REG3G: variants seen among roughly 807,000 people sequenced by gnomAD.
The protein encoded by REG3G is regenerating islet-derived protein 3-gamma.
REG3G carries 19 observed loss-of-function variants against 20.9 expected under a neutral mutation model. The observed-to-expected ratio is 0.91, with a 90% CI of 0.64 to 1.34. The LOEUF is 1.34. REG3G is among the 40% of genes most tolerant of loss of function. The pLI is 0.00. For synonymous variants in REG3G, 89 were observed against 77.4 expected, an observed-to-expected ratio of 1.15 and a Z score of -0.79; for missense variants, 235 against 205.0, an observed-to-expected ratio of 1.15 and a Z score of -0.89.
chr2:79,028,250 C>T lies in REG3G; in HGVS notation c.502C>T (p.Pro168Ser), dbSNP rs770286859. Reference protein sequence around the residue: ...WKDYNCDAKLPYVCKFKD With the variant: ...WKDYNCDAKLSYVCKFKD ...AGATTATAACTGTGATGCAAAGTTA[C>T]CCTATGTCTGCAAGTTCAAGGACTA... Residue 168 changes from proline to serine, a missense_variant, in exon 6 of 6, where the codon CCC becomes TCC. Transcript: ENST00000272324. 5 of 1,613,134 alleles carry T rather than the reference C, an allele frequency of 3.1e-6. No individual in the cohort carries two copies. Among genetic ancestry groups the T allele is most frequent in the South Asian group, 1.1e-5 (1 of 91,050 alleles).
intron 1 of REG3G, 43 bp downstream of exon 1, chr2:79,025,816 C>A (rs1671601289): frequency 8.0e-6 from 3 of 375,192 alleles, no homozygotes; most frequent in African/African-American, 4.1e-5. Context: ...GGAAGGGCAA[C>A]CTCACATAAT....
chr2:79,027,231 C>A, intron 4 of REG3G, 60 bp downstream of exon 4: 1 of 1,563,518 alleles, frequency 6.4e-7, no homozygotes, highest in Non-Finnish European at 8.8e-7. Context: ...CCCAGGCGCA[C>A]TCCCTGTCCC....
At position 79,027,880 on chromosome 2, in the gene REG3G, A is replaced by T; in HGVS notation, c.407A>T (p.Asn136Ile). 1.2e-6 allele frequency: 2 copies of T among 1,613,894 alleles called. No individual in the cohort carries two copies. Among genetic ancestry groups the T allele is most frequent in the Non-Finnish European group, 1.7e-6 (2 of 1,179,934 alleles). Residue 136 changes from asparagine (N) to isoleucine (I), a missense_variant, in exon 5 of 6, where the codon AAT (asparagine) becomes ATT (isoleucine). Asn to Ile is a moderately radical substitution (Grantham distance 149). Coordinates refer to ENST00000272324, the MANE Select transcript of REG3G (RefSeq NM_001008387.3). ...DVMNYFAWEK[N>I]PSTILNPGHC... is the part of the protein sequence containing the mutation. ...ATGAATTACTTTGCATGGGAGAAAA[A>T]TCCCTCCACCATCTTAAACCCTGGC...
chr2:79,027,220 G>A (rs1264416109), intron 4 of REG3G, 49 bp downstream of exon 4: 1 of 1,595,706 alleles, frequency 6.3e-7, no homozygotes, highest in Admixed American at 1.7e-5. Flanking sequence ...TACTGTTGTT[G>A]CCCAGGCGCA....
Position 79,027,113 on chromosome 2 carries a change from T to G in REG3G, c.275T>G (p.Val92Gly). 1 of 1,613,608 alleles carries G rather than the reference T, an allele frequency of 6.2e-7. No homozygotes were observed. The highest frequency in any genetic ancestry group is 1.7e-5 in the Admixed American group (1 of 60,010). ...GAGGGATCCTTCGTGTCCTCCCTGG[T>G]GAGGAGCATTAGTAACAGCTATTCA... Reference protein sequence around the residue: ...GAEGSFVSSLVRSISNSYSYI... With the variant: ...GAEGSFVSSLGRSISNSYSYI... Residue 92 changes from valine (V) to glycine (G), a missense_variant, in exon 4 of 6, where the codon GTG becomes GGG. Transcript: ENST00000272324.
Position 79,027,901 on chromosome 2 carries a change from C to G in REG3G, c.428C>G (p.Pro143Arg), listed in dbSNP as rs1194695149. 5 of 1,614,086 alleles carry G rather than the reference C, an allele frequency of 3.1e-6. No individual in the cohort carries two copies. In the Admixed American group the frequency reaches 8.3e-5, roughly 27 times the overall value. The stretch of plus-strand genomic sequence containing the variant: ...AAAAATCCCTCCACCATCTTAAACC[C>G]TGGCCACTGTGGGAGCCTGTCAAGA... Reference protein sequence around the residue: ...WEKNPSTILNPGHCGSLSRST... With the variant: ...WEKNPSTILNRGHCGSLSRST... The change falls in exon 5 of 6, where the codon CCT (proline) becomes CGT (arginine). Residue 143 changes from proline (P) to arginine (R), a missense_variant. Coordinates refer to ENST00000272324, the MANE Select transcript of REG3G (RefSeq NM_001008387.3).
chr2:79,027,004 T>C, intron 3 of REG3G, 30 bp from the exon 4 acceptor site: 1 of 1,613,758 alleles, frequency 6.2e-7, no homozygotes, highest in East Asian at 2.2e-5. Context: ...GGTCTCAGGC[T>C]CCATCTCATT....
Position 79,026,742 on chromosome 2 carries a change from C to G in REG3G, c.106C>G (p.Pro36Ala), listed in dbSNP as rs555896168. The change falls in exon 3 of 6, where the codon CCA becomes GCA. Residue 36 changes from proline (P) to alanine (A), a missense_variant. By Grantham distance (27) the Pro-to-Ala change is conservative. Transcript: ENST00000272324. ...GEETQKELPS[P>A]RISCPKGSKA... Reference sequence around the variant, plus strand: ...AGAAACCCAGAAGGAACTGCCCTCTCCACGGATCAGCTGTCCCAAAGGCTC... The same window carrying G: ...AGAAACCCAGAAGGAACTGCCCTCTGCACGGATCAGCTGTCCCAAAGGCTC... The G allele has an allele frequency of 2.8e-5, 45 of 1,613,888 alleles. 1 individual carries two copies. In the East Asian group the frequency reaches 7.1e-4, roughly 26 times the overall value.
Position 79,027,071 on chromosome 2 carries a change from C to T in REG3G, c.233C>T (p.Ser78Phe). 6.2e-7 allele frequency: 1 copy of T among 1,614,138 alleles called. No homozygotes were observed. ...AAGCGGCCCTCTGGAAAACTGGTGT[C>T]TGTGCTCAGTGGGGCTGAGGGATCC... ...CQKRPSGKLV[S>F]VLSGAEGSFV... Residue 78 changes from serine to phenylalanine, a missense_variant, in exon 4 of 6, where the codon TCT becomes TTT. Coordinates refer to ENST00000272324, the MANE Select transcript of REG3G (RefSeq NM_001008387.3).
chr2:79,027,194 C>G (rs1433623929), intron 4 of REG3G, 23 bp downstream of exon 4: 1 of 1,612,332 alleles, frequency 6.2e-7, no homozygotes, highest in East Asian at 2.2e-5. Flanking sequence ...CCTCCCCTCT[C>G]TGTTACCTCT....
At chr2:79,028,169 G>A (rs948185812) in intron 5 of REG3G, 40 bp from the exon 6 acceptor site, 1 of 1,497,016 alleles carries the variant, frequency 6.7e-7, no homozygotes, top group Non-Finnish European at 9.3e-7. Context: ...GGGTTCACAA[G>A]TTCCCCCAGC....
rs374187618 is a variant in REG3G at position 79,028,204 on chromosome 2, C to T, written c.461-5C>T. 81 of 1,606,534 alleles carry T rather than the reference C, an allele frequency of 5.0e-5. No individual in the cohort carries two copies. Among genetic ancestry groups the T allele is most frequent in the Non-Finnish European group, 6.7e-5 (79 of 1,173,280 alleles). ...CCCCATGCCTTTTATATTCTGTCTC[C>T]CTAGGATTTCTGAAGTGGAAAGATT... On this transcript the variant is annotated splice_region_variant and splice_polypyrimidine_tract_variant and intron_variant, in intron 5 of 5. Coordinates refer to ENST00000272324, the MANE Select transcript of REG3G (RefSeq NM_001008387.3).
chr2:79,026,496 G>A (rs1302035646), intron 2 of REG3G: 1 of 599,248 alleles, frequency 1.7e-6, no homozygotes, highest in Non-Finnish European at 3.0e-6. Context: ...AGAGAGTGTT[G>A]AATGGTTGAA....
rs1360415629 is a variant in REG3G, at chr2:79,026,091, A to T, written c.-3A>T. On this transcript the variant is annotated 5_prime_UTR_variant, in exon 2 of 6. Coordinates refer to ENST00000272324, the MANE Select transcript of REG3G (RefSeq NM_001008387.3). ...CCGATTGCCTCCTCAAGTCGCAGAC[A>T]CTATGCTGCCTCCCATGGCCCTGCC... is the stretch of plus-strand genomic sequence containing the variant. The T allele has an allele frequency of 6.8e-6, 11 of 1,613,818 alleles. No homozygotes were observed. The highest frequency in any genetic ancestry group is 6.8e-6 in the Non-Finnish European group (8 of 1,179,864).
Position 79,028,400 on chromosome 2 carries a change from G to A in REG3G, c.*124G>A. On this transcript the variant is annotated 3_prime_UTR_variant, in exon 6 of 6. Transcript: ENST00000272324. ...CTGCCCTACCTGACTACCTTGTCAT[G>A]ATCCTCCTTCTTTTTCCTTTTTCTT... 1.6e-6 allele frequency: 1 copy of A among 638,184 alleles called. No individual in the cohort carries two copies. Among genetic ancestry groups the A allele is most frequent in the Non-Finnish European group, 2.8e-6 (1 of 353,088 alleles). 39.5% of individuals were successfully genotyped at this position (638,184 alleles called of 1,614,324 possible).
intron 1 of REG3G, 82 bp downstream of exon 1, chr2:79,025,855 C>T (rs899484336): frequency 2.0e-6 from 1 of 503,960 alleles, no homozygotes; most frequent in African/African-American, 1.9e-5. Flanking sequence ...GGGTCCCTTC[C>T]TCAGGGAGCA....
Position 79,026,775 on chromosome 2 carries a change from T to G in REG3G, c.139T>G (p.Tyr47Asp). The change falls in exon 3 of 6, where the codon TAT (tyrosine) becomes GAT (aspartate). Residue 47 changes from tyrosine to aspartate, a missense_variant. Tyr to Asp is a radical substitution (Grantham distance 160). Transcript: ENST00000272324. ...RISCPKGSKA[Y>D]GSPCYALFLS... ...CAGCTGTCCCAAAGGCTCCAAGGCC[T>G]ATGGCTCCCCCTGCTATGCCTTGTT... The G allele has an allele frequency of 6.2e-7, 1 of 1,613,782 alleles. No individual in the cohort carries two copies. Among genetic ancestry groups the G allele is most frequent in the Non-Finnish European group, 8.5e-7 (1 of 1,179,922 alleles).
chr2:79,026,911 G>A, intron 3 of REG3G, 80 bp downstream of exon 3: 1 of 1,349,426 alleles, frequency 7.4e-7, no homozygotes, highest in East Asian at 2.4e-5. Flanking sequence ...TCCTTCAGGA[G>A]AGTTCCTTGG....
intron 5 of REG3G, 92 bp downstream of exon 5, chr2:79,028,025 G>A (rs1377498754): frequency 1.0e-5 from 16 of 1,539,026 alleles, no homozygotes; most frequent in Middle Eastern, 2.0e-4. Flanking sequence ...GCTAGGTAAT[G>A]CAGTGTTTAT....
Sources: gnomAD v4.1 joint callset for allele counts on GRCh38, gnomAD v4.1.1 for gene constraint, MANE v1.5 for transcripts, NCBI Gene and HGNC (gene_info 2026-07-23, HGNC 2026-07-21) for gene names.